The following BRAT1 variants were observed in gnomAD, a reference collection of about 807,000 sequenced individuals.
BRAT1 encodes the protein BRCA1 associated ATM activator 1.
In BRAT1, 74 loss-of-function variants were observed where a neutral mutation model predicts 70.6. The observed-to-expected ratio is 1.05, with a 90% CI of 0.87 to 1.27. The LOEUF is 1.27. BRAT1 is among the 50% of genes most tolerant of loss of function. The pLI is 0.00. For missense variants in BRAT1, 1,203 were observed against 1,098.2 expected, an observed-to-expected ratio of 1.10 and a Z score of -1.35; for synonymous variants, 615 against 517.1, an observed-to-expected ratio of 1.19 and a Z score of -2.57.
chr7:2,541,063 G>A lies in BRAT1; in HGVS notation c.1322-11C>T. 1 of 1,557,008 alleles carries A rather than the reference G, an allele frequency of 6.4e-7. No individual in the cohort carries two copies. The highest frequency in any genetic ancestry group is 8.6e-7 in the Non-Finnish European group (1 of 1,161,120). The stretch of plus-strand genomic sequence containing the variant: ...CCAGCTCCTGGGGGCCTGAGACAGA[G>A]GTGAGTGGATAAACCACCCCCACCC... On this transcript the variant is annotated splice_polypyrimidine_tract_variant and intron_variant, in intron 9 of 13. Transcript: ENST00000340611.
rs183648027 is a variant in BRAT1, at chr7:2,541,199, G to A, written c.1321+99C>T. 2,666 of 1,189,330 alleles carry A rather than the reference G, an allele frequency of 2.2e-3. 53 individuals carry two copies. The African/African-American group carries it at 0.037, about 16-fold the overall frequency. The allele number at this position is 1,189,330 out of a possible 1,614,324, so 73.7% of individuals were successfully genotyped here. A position where few individuals can be genotyped will look rare whatever the true frequency, so the allele number is the denominator to read the frequency against. On this transcript the variant is annotated intron_variant, in intron 9 of 13. Coordinates refer to ENST00000340611, the MANE Select transcript of BRAT1 (RefSeq NM_152743.4). Reference sequence around the variant, plus strand: ...ACCCCTCAGCCCCCACCCCAGAGAAGAAACAGAGAGGGACAGCAGTTCCCG... The same window carrying A: ...ACCCCTCAGCCCCCACCCCAGAGAAAAAACAGAGAGGGACAGCAGTTCCCG...
At chr7:2,554,765 G>A (rs1041864052) in intron 1 of BRAT1, among the ~76,000 whole-genome samples, 3 of 152,212 alleles carry the variant, frequency 2.0e-5, no homozygotes, top group African/African-American at 7.2e-5. Context: ...CGTGGTGCTG[G>A]CCCAGGCTGC....
At chr7:2,549,556 G>C (rs1204315846) in intron 2 of BRAT1, among the ~76,000 whole-genome samples, 1 of 152,128 alleles carries the variant, frequency 6.6e-6, no homozygotes, top group Non-Finnish European at 1.5e-5. Flanking sequence ...CAATCTGATG[G>C]AGGGCAGAAA....
intron 13 of BRAT1, 22 bp from the exon 14 acceptor site, chr7:2,538,786 C>A (rs767315854): frequency 1.3e-6 from 2 of 1,597,400 alleles, no homozygotes; most frequent in Non-Finnish European, 8.5e-7. Context: ...GGAGCAAGTG[C>A]GGATGGTTGG....
At position 2,543,089 on chromosome 7, in the gene BRAT1, G is replaced by T. The variant is rs917217042; in HGVS notation, c.923+115C>A. On this transcript the variant is annotated intron_variant, in intron 6 of 13. Coordinates refer to ENST00000340611, the MANE Select transcript of BRAT1 (RefSeq NM_152743.4). The surrounding 1 kb of genome is among the most constrained non-coding windows in gnomAD (Gnocchi z 5.5). ...CCACCCAGTCACACCCCGCACGGCC[G>T]CCTGACTGTCCCTGGTGTCCGGAAC... The T allele has an allele frequency of 9.4e-6, 13 of 1,377,366 alleles. No individual in the cohort carries two copies. Among genetic ancestry groups the T allele is most frequent in the South Asian group, 6.1e-5 (4 of 65,052 alleles). 85.3% of individuals were successfully genotyped at this position (1,377,366 alleles called of 1,614,324 possible).
In BRAT1 at chr7:2,541,026, G is replaced by C; in HGVS notation, c.1348C>G (p.Leu450Val). 1 of 1,572,242 alleles carries C rather than the reference G, an allele frequency of 6.4e-7. No individual in the cohort carries two copies. Among genetic ancestry groups the C allele is most frequent in the Non-Finnish European group, 8.6e-7 (1 of 1,168,308 alleles). ...TCGAGGCACTCCAGGAGGACAGCAA[G>C]CGCCTGCGTCACCAGCTCCTGGGGG... ...TGPQELVTQA[L>V]AVLLECLESP... Residue 450 changes from leucine to valine, a missense_variant, in exon 10 of 14, where the codon CTT (leucine) becomes GTT (valine). Transcript: ENST00000340611.
chr7:2,554,916 C>A (rs1780302612), intron 1 of BRAT1, among the ~76,000 whole-genome samples: 1 of 152,098 alleles, frequency 6.6e-6, no homozygotes, highest in South Asian at 2.1e-4. Context: ...ATTTGACGTC[C>A]TGAAGCCAGC....
In BRAT1 at chr7:2,547,373, C is replaced by T. The variant is rs776825598; in HGVS notation, c.233G>A (p.Arg78His). The T allele has an allele frequency of 3.7e-6, 6 of 1,614,080 alleles. No homozygotes were observed. Among genetic ancestry groups the T allele is most frequent in the Admixed American group, 1.7e-5 (1 of 59,996 alleles). The change falls in exon 3 of 14, where the codon CGC (arginine) becomes CAC (histidine). Residue 78 changes from arginine to histidine, a missense_variant. Coordinates refer to ENST00000340611, the MANE Select transcript of BRAT1 (RefSeq NM_152743.4). ...CTGGGCTGCGAAGGTTCCTGCCAGG[C>T]GCAGTGAGAAGGAGAGGACCCCAGA... ...LSSGVLSFSL[R>H]LAGTFAAQEN...
At chr7:2,541,203 CAGAG>C (rs1484392720) in intron 9 of BRAT1, 91 bp downstream of exon 9, 1 of 1,394,592 alleles carries the variant, frequency 7.2e-7, no homozygotes, top group African/African-American at 1.5e-5. Flanking sequence ...AGAGAAGAAA[CAGAG>C]AGGGACAGCA....
chr7:2,547,018 C>T (rs1036350812), intron 3 of BRAT1, among the ~76,000 whole-genome samples: 7 of 151,946 alleles, frequency 4.6e-5, no homozygotes, highest in Non-Finnish European at 1.0e-4. Flanking sequence ...CTCCTGTCTC[C>T]GTCCCAGGAA....
In BRAT1 at chr7:2,542,600, T is replaced by C; in HGVS notation, c.924-389A>G. The C allele has an allele frequency of 1.6e-5, 4 of 253,166 alleles. No homozygotes were observed. The South Asian group carries it at 1.9e-4, about 12-fold the overall frequency. The allele number at this position is 253,166 out of a possible 1,614,324, so 15.7% of individuals were successfully genotyped here. ...CTAGGTGGAGGCAGTGTCCCCACAA[T>C]GCATTCCTGCAGGGCCGGGCCTGTT... On this transcript the variant is annotated intron_variant, in intron 6 of 13. Transcript: ENST00000340611.
intron 13 of BRAT1, 79 bp from the exon 14 acceptor site, chr7:2,538,843 T>A (rs149549272): frequency 3.7e-4 from 575 of 1,562,992 alleles, no homozygotes; most frequent in Middle Eastern, 1.2e-3. Context: ...CGGTACATGA[T>A]GGGGGCTGGC....
chr7:2,554,482 C>G (rs754046668), intron 1 of BRAT1, 35 bp from the exon 2 acceptor site: 2 of 1,583,482 alleles, frequency 1.3e-6, no homozygotes, highest in South Asian at 2.3e-5. Flanking sequence ...ACCTCAATGC[C>G]CACTCCAGAC....
intron 12 of BRAT1, 76 bp from the exon 13 acceptor site, chr7:2,539,427 T>A: frequency 1.3e-6 from 2 of 1,526,902 alleles, no homozygotes; most frequent in Non-Finnish European, 1.8e-6. Context: ...CTCCATCCCC[T>A]TGTGGGCAGC....
chr7:2,552,318 A>G (rs1393843342), intron 2 of BRAT1, among the ~76,000 whole-genome samples: 1 of 150,708 alleles, frequency 6.6e-6, no homozygotes, highest in Non-Finnish European at 1.5e-5. Flanking sequence ...GGGTTTCACC[A>G]TGTTAGCCAG....
intron 10 of BRAT1, chr7:2,540,710 T>A: frequency 2.5e-6 from 1 of 396,054 alleles, no homozygotes; most frequent in Non-Finnish European, 4.5e-6. Flanking sequence ...CTCATTTCCC[T>A]TGTCCAGAAT....
In BRAT1 at chr7:2,543,341, A is replaced by G. The variant is rs767867860; in HGVS notation, c.804-18T>C. On this transcript the variant is annotated intron_variant, in intron 5 of 13. Coordinates refer to ENST00000340611, the MANE Select transcript of BRAT1 (RefSeq NM_152743.4). This position sits in a 1 kb window ranked among gnomAD's most constrained non-coding sequence, Gnocchi z 5.5. ...CGGGAGAACTGCAGGGAGACCCCAG[A>G]GAGAAAAATTACTCCCCCACCCTCA... 6.2e-5 allele frequency: 97 copies of G among 1,566,706 alleles called. No individual in the cohort carries two copies. Among genetic ancestry groups the G allele is most frequent in the Non-Finnish European group, 7.6e-5 (88 of 1,157,118 alleles).
At chr7:2,545,888 G>C (rs1245843893) in intron 3 of BRAT1, among the ~76,000 whole-genome samples, 1 of 152,226 alleles carries the variant, frequency 6.6e-6, no homozygotes, top group Non-Finnish European at 1.5e-5. Context: ...CCTGCAGCAA[G>C]ATGGTGCCTG....
intron 2 of BRAT1, among the ~76,000 whole-genome samples, chr7:2,550,319 T>G (rs1477705540): frequency 1.3e-5 from 2 of 150,784 alleles, no homozygotes; most frequent in Non-Finnish European, 3.0e-5. Flanking sequence ...ATACAAAAAC[T>G]TAGCCGGGCG....
Sources: allele counts gnomAD v4.1 joint callset (sites outside exome capture counted in the v4.1 genomes callset), GRCh38; gene constraint gnomAD v4.1.1; non-coding constraint Gnocchi (gnomAD v3.1); transcripts MANE v1.5; gene names NCBI Gene and HGNC (gene_info 2026-07-23, HGNC 2026-07-21).